MED26: variants seen among roughly 807,000 people sequenced by gnomAD.
MED26 encodes the protein mediator of RNA polymerase II transcription subunit 26.
MED26 carries 7 observed loss-of-function variants against 43.7 expected under a neutral mutation model. The observed-to-expected ratio is 0.16, with a 90% CI of 0.09 to 0.30. The LOEUF (loss-of-function observed/expected upper bound fraction) is 0.30. Ranked by LOEUF, MED26 falls within the 10% of genes least tolerant of loss-of-function variation. The probability of loss-of-function intolerance (pLI) is 1.00; values close to 1 mark genes in which losing one functional copy is unlikely to be tolerated. For missense variants in MED26, 784 were observed against 840.6 expected (o/e 0.93, Z 0.83); for synonymous variants, 375 against 371.1 (o/e 1.01, Z -0.12).
chr19:16,587,000 A>T lies in MED26; in HGVS notation c.73-8591T>A, dbSNP rs1389899088. On this transcript the variant is annotated intron_variant, in intron 1 of 2. Coordinates refer to ENST00000263390, the MANE Select transcript of MED26 (RefSeq NM_004831.5). This position sits in a 1 kb window ranked among gnomAD's most constrained non-coding sequence, Gnocchi z 5.1. Reference sequence around the variant, plus strand: ...AAAGACTGTGGAAGTGTTCATCAGCAAGCAAGCTGTCCTTCCAAACCCAAA... The same window carrying T: ...AAAGACTGTGGAAGTGTTCATCAGCTAGCAAGCTGTCCTTCCAAACCCAAA... The T allele has an allele frequency of 6.6e-6, 1 of 152,016 alleles. No homozygotes were observed. The highest frequency in any genetic ancestry group is 1.5e-5 in the Non-Finnish European group (1 of 67,992). The allele number at this position is 152,016 out of a possible 1,614,324, so 9.4% of individuals were successfully genotyped here.
intron 1 of MED26, among the ~76,000 whole-genome samples, chr19:16,617,995 T>C (rs999712063): frequency 1.4e-4 from 22 of 151,826 alleles, no homozygotes; most frequent in African/African-American, 5.3e-4. Context: ...CAAGGTGGGG[T>C]TGGGGAAATG....
At chr19:16,612,076 G>C (rs889223529) in intron 1 of MED26, 1 of 152,246 alleles carries the variant, frequency 6.6e-6, no homozygotes, top group Non-Finnish European at 1.5e-5. Context: ...CCTGCCAACA[G>C]GGTGATGCAG....
intron 1 of MED26, among the ~76,000 whole-genome samples, chr19:16,616,782 G>T (rs1208334279): frequency 6.6e-6 from 1 of 152,178 alleles, no homozygotes; most frequent in Non-Finnish European, 1.5e-5. Flanking sequence ...AACGCTTAGG[G>T]GGAGCAGGCA....
intron 1 of MED26, chr19:16,597,412 G>A (rs2086125520): frequency 2.5e-6 from 1 of 398,610 alleles, no homozygotes; most frequent in East Asian, 3.6e-5. Context: ...CACCTCTTGA[G>A]GCAAGAAGTC....
chr19:16,603,480 T>G (rs1365288524), intron 1 of MED26, among the ~76,000 whole-genome samples: 1 of 151,974 alleles, frequency 6.6e-6, no homozygotes, highest in Non-Finnish European at 1.5e-5. Context: ...AAAAAAAAAA[T>G]TCTTCCCTTC....
At chr19:16,584,692 CA>C (rs2086062983) in intron 1 of MED26, among the ~76,000 whole-genome samples, 1 of 152,214 alleles carries the variant, frequency 6.6e-6, no homozygotes, top group Non-Finnish European at 1.5e-5. Flanking sequence ...AGAAATAATA[CA>C]ATCTGGAATT....
At chr19:16,585,780 G>T (rs1001282921) in intron 1 of MED26, among the ~76,000 whole-genome samples, 1 of 152,308 alleles carries the variant, frequency 6.6e-6, no homozygotes, top group South Asian at 2.1e-4. Context: ...CCAAACTCCT[G>T]TCGGCAAATA....
intron 1 of MED26, among the ~76,000 whole-genome samples, chr19:16,626,171 T>G (rs2086273876): frequency 6.6e-6 from 1 of 152,166 alleles, no homozygotes; most frequent in Admixed American, 6.5e-5. Context: ...AAGTGCCGCC[T>G]GATCCCAAAG....
intron 1 of MED26, among the ~76,000 whole-genome samples, chr19:16,604,652 G>GA (rs2122427539): frequency 6.6e-6 from 1 of 152,300 alleles, no homozygotes; most frequent in South Asian, 2.1e-4. Context: ...ATGGGTTGCA[G>GA]AAGGCCACCT....
intron 1 of MED26, among the ~76,000 whole-genome samples, chr19:16,627,557 G>C (rs995129112): frequency 1.3e-5 from 2 of 152,222 alleles, no homozygotes; most frequent in Non-Finnish European, 2.9e-5. Flanking sequence ...GGGCGAGGCA[G>C]AGAAGCTTCG....
At chr19:16,600,235 A>G (rs1168776016) in intron 1 of MED26, among the ~76,000 whole-genome samples, 1 of 151,082 alleles carries the variant, frequency 6.6e-6, no homozygotes, top group African/African-American at 2.4e-5. Context: ...CATGGGCTCT[A>G]CTTCCACCTC....
At chr19:16,594,905 C>A (rs942704785) in intron 1 of MED26, among the ~76,000 whole-genome samples, 1 of 152,174 alleles carries the variant, frequency 6.6e-6, no homozygotes, top group Non-Finnish European at 1.5e-5. Context: ...CGGCTCTACC[C>A]AGGGAACCTG....
chr19:16,589,298 C>G (rs1164127410), intron 1 of MED26: 1 of 152,276 alleles, frequency 6.6e-6, no homozygotes, highest in African/African-American at 2.4e-5. Context: ...TGGACACTCA[C>G]GCTATGATCC....
chr19:16,593,847 CA>C (rs538059723), intron 1 of MED26, among the ~76,000 whole-genome samples: 196 of 152,240 alleles, frequency 1.3e-3, no homozygotes, highest in African/African-American at 4.6e-3. Flanking sequence ...AAGCTGTGGT[CA>C]ATGGTGGCAC....
Position 16,577,580 on chromosome 19 carries a change from T to C in MED26, c.250A>G (p.Ile84Val), listed in dbSNP as rs910822942. 2 of 1,609,922 alleles carry C rather than the reference T, an allele frequency of 1.2e-6. No individual in the cohort carries two copies. The highest frequency in any genetic ancestry group is 2.7e-5 in the African/African-American group (2 of 74,970). The change falls in exon 3 of 3, where the codon ATC becomes GTC. Residue 84 changes from isoleucine to valine, a missense_variant. Ile to Val is a conservative substitution (Grantham distance 29). This residue lies in a region of MED26 where 719 missense variants were observed against 730.9 expected (regional missense o/e 0.98). Transcript: ENST00000263390. The surrounding 1 kb of genome is among the most constrained non-coding windows in gnomAD (Gnocchi z 8.1). ...GCCTCATGCTGGTGTGCCGGCTCGA[T>C]GAGCTTCTGCCAGCTCCGCAGCAGC... ...KKLLRSWQKL[I>V]EPAHQHEAAL...
chr19:16,577,520 C>T lies in MED26; in HGVS notation c.310G>A (p.Ala104Thr). 6.2e-7 allele frequency: 1 copy of T among 1,602,878 alleles called. No homozygotes were observed. Among genetic ancestry groups the T allele is most frequent in the Non-Finnish European group, 8.5e-7 (1 of 1,174,014 alleles). ...CGGCAGTTGTGTGCGCCCCCGTTGG[C>T]AGAGCCGGTGGCCCCCGCCAGCCCC... ...LRGLAGATGS[A>T]NGGAHNCRPE... The change falls in exon 3 of 3, where the codon GCC becomes ACC. Residue 104 changes from alanine to threonine, a missense_variant. Ala to Thr is a moderately conservative substitution (Grantham distance 58, BLOSUM62 0). Coordinates refer to ENST00000263390, the MANE Select transcript of MED26 (RefSeq NM_004831.5). The surrounding 1 kb of genome is among the most constrained non-coding windows in gnomAD (Gnocchi z 8.1).
At position 16,586,250 on chromosome 19, in the gene MED26, C is replaced by G. The variant is rs936554153; in HGVS notation, c.73-7841G>C. Among the ~76,000 whole-genome samples the G allele has an allele frequency of 3.3e-5, 5 of 152,266 alleles. No individual in the cohort carries two copies. Among genetic ancestry groups the G allele is most frequent in the African/African-American group, 9.6e-5 (4 of 41,468 alleles). On this transcript the variant is annotated intron_variant, in intron 1 of 2. Transcript: ENST00000263390. The surrounding 1 kb of genome is among the most constrained non-coding windows in gnomAD (Gnocchi z 5.1). ...GCCCTTGTGCCAAGTTCTTTCACGT[C>G]ATCCTCACAAGCGCACTCTACAGAT... is the stretch of plus-strand genomic sequence containing the variant.
At position 16,576,994 on chromosome 19, in the gene MED26, C is replaced by T. The variant is rs770877937; in HGVS notation, c.836G>A (p.Arg279Gln). ...CTGCCGGGCAAAGGAGCCCTCATGC[C>T]GTGAGTTCCGAGGACTGAAAGAGCA... ...PRCSFSPRNSRHEGSFARQQS... is the reference protein window; with the variant it reads ...PRCSFSPRNSQHEGSFARQQS... The change falls in exon 3 of 3, where the codon CGG becomes CAG. Residue 279 changes from arginine (R) to glutamine (Q), a missense_variant. Coordinates refer to ENST00000263390, the MANE Select transcript of MED26 (RefSeq NM_004831.5). The surrounding 1 kb of genome is among the most constrained non-coding windows in gnomAD (Gnocchi z 6.8). 3.8e-5 allele frequency: 61 copies of T among 1,606,604 alleles called. No individual in the cohort carries two copies. Among genetic ancestry groups the T allele is most frequent in the East Asian group, 1.8e-4 (8 of 44,746 alleles).
At chr19:16,618,087 C>T (rs1380284935) in intron 1 of MED26, among the ~76,000 whole-genome samples, 2 of 152,156 alleles carry the variant, frequency 1.3e-5, no homozygotes, top group African/African-American at 4.8e-5. Context: ...AACACAGGTA[C>T]GAGTTTCCGG....
Sources: gnomAD v4.1 joint callset for allele counts (sites outside exome capture counted in the v4.1 genomes callset) on GRCh38, gnomAD v4.1.1 for gene constraint, gnomAD v4.1.1 regional missense constraint, Gnocchi (gnomAD v3.1) non-coding constraint, MANE v1.5 for transcripts, NCBI Gene and HGNC (gene_info 2026-07-23, HGNC 2026-07-21) for gene names.